The following HSPA9 variants were observed in gnomAD, a reference collection of about 807,000 sequenced individuals.
HSPA9 encodes heat shock protein family A (Hsp70) member 9.
HSPA9 carries 28 observed loss-of-function variants against 81.5 expected under a neutral mutation model. That is an observed-to-expected ratio of 0.34 (90% confidence interval 0.25 to 0.47). HSPA9 has a LOEUF of 0.47. Among genes scored for constraint, HSPA9 ranks in the 20% least tolerant of loss-of-function variants. HSPA9 has a pLI of 1.00. For missense variants in HSPA9, 678 were observed against 838.0 expected (o/e 0.81, Z 2.36); for synonymous variants, 293 against 290.4 (o/e 1.01, Z -0.09).
intron 11 of HSPA9, 171 bp downstream of exon 11, chr5:138,559,686 CAAAAAAA>C (rs1750610918): frequency 1.6e-6 from 1 of 614,178 alleles, no homozygotes; most frequent in African/African-American, 1.9e-5. Context: ...TTTCTGGTAA[CAAAAAAA>C]CAAAAAACAA....
rs1220588833 is a variant in HSPA9, at chr5:138,574,443, T to C, written c.82-317A>G. Among the ~76,000 whole-genome samples the C allele has an allele frequency of 5.9e-5, 9 of 152,186 alleles. No homozygotes were observed. In the South Asian group the frequency reaches 1.4e-3, roughly 25 times the overall value. Reference sequence around the variant, plus strand: ...ACCAATAAGCACCCCAGTAAGTAAGTGACAACCTAAAATATCCACAGACAT... The same window carrying C: ...ACCAATAAGCACCCCAGTAAGTAAGCGACAACCTAAAATATCCACAGACAT... On this transcript the variant is annotated intron_variant, in intron 1 of 16. Transcript: ENST00000297185.
In HSPA9 at chr5:138,553,998, C is replaced by CCAA. The variant is rs1165303964; in HGVS notation, c.*2036_*2038dup. Among the ~76,000 whole-genome samples the CCAA allele has an allele frequency of 1.3e-5, 2 of 152,214 alleles. No homozygotes were observed. Among genetic ancestry groups the CCAA allele is most frequent in the African/African-American group, 4.8e-5 (2 of 41,450 alleles). On this transcript the variant is annotated 3_prime_UTR_variant, in exon 17 of 17. Coordinates refer to ENST00000297185, the MANE Select transcript of HSPA9 (RefSeq NM_004134.7). The stretch of plus-strand genomic sequence containing the variant: ...TGTTCCTGGTCACTGAAATTTTACC[C>CCAA]CAACAGCTTTCCCAGCAGTGGACTG...
At position 138,553,762 on chromosome 5, in the gene HSPA9, C is replaced by T. The variant is rs952950246; in HGVS notation, c.*2275G>A. ...GAATAAAACCAATCATTTCTTTTTGCCTTTTGTGATAGTTAATTTTATGTG... is the reference window on the plus strand; with the variant it reads ...GAATAAAACCAATCATTTCTTTTTGTCTTTTGTGATAGTTAATTTTATGTG... On this transcript the variant is annotated 3_prime_UTR_variant, in exon 17 of 17. Coordinates refer to ENST00000297185, the MANE Select transcript of HSPA9 (RefSeq NM_004134.7). Among the ~76,000 whole-genome samples the T allele has an allele frequency of 1.4e-5, 2 of 143,100 alleles. No individual in the cohort carries two copies. The highest frequency in any genetic ancestry group is 5.4e-5 in the African/African-American group (2 of 37,076). 93.9% of individuals were successfully genotyped at this position (143,100 alleles called of 152,430 possible).
intron 3 of HSPA9, among the ~76,000 whole-genome samples, chr5:138,573,412 G>A (rs1435625147): frequency 6.6e-6 from 1 of 152,050 alleles, no homozygotes; most frequent in Non-Finnish European, 1.5e-5. Flanking sequence ...TGTAATCCCA[G>A]CACTTTGGAG....
At chr5:138,559,753 T>C (rs1750612081) in intron 11 of HSPA9, 111 bp downstream of exon 11, 2 of 767,096 alleles carry the variant, frequency 2.6e-6, no homozygotes, top group Non-Finnish European at 4.7e-6. Context: ...TTCTAAACTG[T>C]AAAACAGATA....
chr5:138,564,649 T>C (rs1377578589), intron 9 of HSPA9, among the ~76,000 whole-genome samples: 1 of 152,202 alleles, frequency 6.6e-6, no homozygotes, highest in Non-Finnish European at 1.5e-5. Context: ...GTGATATTCC[T>C]GCCCTGGCCA....
At chr5:138,572,423 A>G (rs1750925915) in intron 3 of HSPA9, among the ~76,000 whole-genome samples, 1 of 152,216 alleles carries the variant, frequency 6.6e-6, no homozygotes, top group Non-Finnish European at 1.5e-5. Context: ...GGTAACCACC[A>G]AAGTGCTGCA....
chr5:138,574,109 A>G lies in HSPA9; in HGVS notation c.99T>C (p.Leu33=), dbSNP rs761244198. ...AARHQDSWNG[L]SHEAFRLVSR... is the part of the protein sequence containing the mutation. ...AAACAAGTCTAAAAGCCTCATGACT[A>G]AGGCCATTCCAGCTATCCTAAAAAA... is the stretch of plus-strand genomic sequence containing the variant. Residue 33 remains leucine (L), a synonymous_variant, in exon 2 of 17, where the codon CTT becomes CTC. Coordinates refer to ENST00000297185, the MANE Select transcript of HSPA9 (RefSeq NM_004134.7). 43 of 1,613,704 alleles carry G rather than the reference A, an allele frequency of 2.7e-5. No homozygotes were observed. Among genetic ancestry groups the G allele is most frequent in the Non-Finnish European group, 3.6e-5 (42 of 1,179,712 alleles).
intron 10 of HSPA9, 102 bp from the exon 11 acceptor site, chr5:138,560,193 A>T (rs1293267557): frequency 1.9e-5 from 15 of 794,842 alleles, no homozygotes; most frequent in Admixed American, 4.1e-5. Context: ...ATCTCAAGAC[A>T]GGCTAACTCA....
chr5:138,561,898 C>G, intron 9 of HSPA9, 109 bp from the exon 10 acceptor site: 3 of 859,694 alleles, frequency 3.5e-6, no homozygotes, highest in Admixed American at 1.7e-5. Flanking sequence ...CTTGCAAAAC[C>G]AAAGGGAGGG....
chr5:138,575,291 C>T lies in HSPA9; in HGVS notation c.28G>A (p.Ala10Thr). Residue 10 changes from alanine (A) to threonine (T), a missense_variant, in exon 1 of 17, where the codon GCC becomes ACC. Coordinates refer to ENST00000297185, the MANE Select transcript of HSPA9 (RefSeq NM_004134.7). Reference sequence around the variant, plus strand: ...GAGGCTGCGGCGCCCACGAGACGGGCTGCTGCAGCTCGGCTGGCACTTATC... The same window carrying T: ...GAGGCTGCGGCGCCCACGAGACGGGTTGCTGCAGCTCGGCTGGCACTTATC... MISASRAAA[A>T]RLVGAAASRG... 1.2e-6 allele frequency: 2 copies of T among 1,612,144 alleles called. No individual in the cohort carries two copies. Among genetic ancestry groups the T allele is most frequent in the East Asian group, 2.2e-5 (1 of 44,828 alleles).
chr5:138,554,503 T>A lies in HSPA9; in HGVS notation c.*1534A>T, dbSNP rs1750479492. The stretch of plus-strand genomic sequence containing the variant: ...GAATTTTTCACGAATCCCAAGAATC[T>A]TTTACATGGGTGTTAACAAGCACTG... On this transcript the variant is annotated 3_prime_UTR_variant, in exon 17 of 17. Transcript: ENST00000297185. 6.6e-6 allele frequency among the ~76,000 whole-genome samples: 1 copy of A among 152,236 alleles called. No individual in the cohort carries two copies. Among genetic ancestry groups the A allele is most frequent in the Non-Finnish European group, 1.5e-5 (1 of 68,048 alleles).
intron 2 of HSPA9, 54 bp downstream of exon 2, chr5:138,574,014 C>A: frequency 7.0e-7 from 1 of 1,424,422 alleles, no homozygotes; most frequent in Non-Finnish European, 9.9e-7. Flanking sequence ...GTAGAAAACA[C>A]TGCTTTGAAG....
At chr5:138,562,493 G>A (rs1029185056) in intron 9 of HSPA9, among the ~76,000 whole-genome samples, 1 of 152,000 alleles carries the variant, frequency 6.6e-6, no homozygotes, top group African/African-American at 2.4e-5. Context: ...GGAGGTTGCG[G>A]TGAGCCGAGA....
Position 138,567,030 on chromosome 5 carries a change from G to A in HSPA9, c.850C>T (p.Arg284Trp), listed in dbSNP as rs776644009. Residue 284 changes from arginine to tryptophan, a missense_variant, in exon 8 of 17, where the codon CGG (arginine) becomes TGG (tryptophan). Physicochemically the swap from Arg to Trp is moderately radical, Grantham distance 101 (BLOSUM62 -3). Transcript: ENST00000297185. The stretch of plus-strand genomic sequence containing the variant: ...CTCTTGAACTCCTTCACAATGTGCC[G>A]TAGCAAGGCCTGGTCAAAGTCTTCC... ...GGEDFDQALLRHIVKEFKRET... is the reference protein window; with the variant it reads ...GGEDFDQALLWHIVKEFKRET... 4.3e-5 allele frequency: 69 copies of A among 1,610,836 alleles called. 1 individual carries two copies. Among genetic ancestry groups the A allele is most frequent in the South Asian group, 3.3e-4 (30 of 90,972 alleles).
At chr5:138,558,824 A>G (rs1268467523) in intron 11 of HSPA9, 167 bp from the exon 12 acceptor site, 1 of 617,100 alleles carries the variant, frequency 1.6e-6, no homozygotes, top group Non-Finnish European at 2.9e-6. Context: ...TAGGATTAGT[A>G]CAGCAAATGG....
In HSPA9 at chr5:138,557,514, C is replaced by T; in HGVS notation, c.1634-18G>A. 6.8e-7 allele frequency: 1 copy of T among 1,464,384 alleles called. No individual in the cohort carries two copies. The highest frequency in any genetic ancestry group is 9.6e-7 in the Non-Finnish European group (1 of 1,046,214). 90.7% of individuals were successfully genotyped at this position (1,464,384 alleles called of 1,614,324 possible). A position where few individuals can be genotyped will look rare whatever the true frequency, so the allele number is the denominator to read the frequency against. On this transcript the variant is annotated intron_variant, in intron 13 of 16. Coordinates refer to ENST00000297185, the MANE Select transcript of HSPA9 (RefSeq NM_004134.7). ...GATTACAACTGTAGTAAACAGAAGG[C>T]ATTTCATTAATTCCCAGGTAAAGTT...
At chr5:138,564,783 T>G (rs1215536393) in intron 9 of HSPA9, among the ~76,000 whole-genome samples, 1 of 152,236 alleles carries the variant, frequency 6.6e-6, no homozygotes, top group African/African-American at 2.4e-5. Flanking sequence ...TTTATGAACT[T>G]GGTAATGCTC....
chr5:138,560,563 T>G (rs1348660515), intron 10 of HSPA9, among the ~76,000 whole-genome samples: 1 of 114,654 alleles, frequency 8.7e-6, no homozygotes, highest in Non-Finnish European at 1.8e-5. Context: ...TTTTTCTTCT[T>G]CTTTTTTTTT....
Sources: allele counts gnomAD v4.1 joint callset (sites outside exome capture counted in the v4.1 genomes callset), GRCh38; gene constraint gnomAD v4.1.1; transcripts MANE v1.5; gene names NCBI Gene and HGNC (gene_info 2026-07-23, HGNC 2026-07-21).